ZNG1B: variants seen among roughly 807,000 people sequenced by gnomAD.
ZNG1B encodes the protein Zn regulated GTPase metalloprotein activator 1B.
At chr2:113,490,451 G>T in the ZNG1B span, among the ~76,000 whole-genome samples, 1 of 151,674 alleles carries the variant, frequency 6.6e-6, no homozygotes, top group East Asian at 1.9e-4. Context: ...AGAGAAACAA[G>T]AACAAACCCA....
the ZNG1B span, chr2:113,445,149 T>G: frequency 6.6e-7 from 1 of 1,517,114 alleles, no homozygotes; most frequent in Non-Finnish European, 8.9e-7. Context: ...GATTAAAGCT[T>G]TTGTTAGTAT....
the ZNG1B span, among the ~76,000 whole-genome samples, chr2:113,463,091 G>A: frequency 6.6e-6 from 1 of 151,356 alleles, no homozygotes; most frequent in Non-Finnish European, 1.5e-5. Flanking sequence ...AGCCAAGGCT[G>A]ATCAGCATAG....
chr2:113,490,065 T>TG, the ZNG1B span, among the ~76,000 whole-genome samples: 1 of 149,388 alleles, frequency 6.7e-6, no homozygotes, highest in Non-Finnish European at 1.5e-5. Flanking sequence ...ATATACGTTC[T>TG]GTTCAACAGC....
At chr2:113,492,465 T>A in the ZNG1B span, among the ~76,000 whole-genome samples, 1 of 86,210 alleles carries the variant, frequency 1.2e-5, no homozygotes, top group South Asian at 4.5e-4. Context: ...GGCATAAGAA[T>A]GACACAATGA....
At chr2:113,437,738 T>C in the ZNG1B span, 18 of 1,520,966 alleles carry the variant, frequency 1.2e-5, no homozygotes, top group Admixed American at 1.9e-5. Context: ...CCGGGCGGGA[T>C]CAGCGAGCGT....
the ZNG1B span, among the ~76,000 whole-genome samples, chr2:113,439,857 A>G: frequency 9.2e-6 from 1 of 108,754 alleles, no homozygotes; most frequent in Admixed American, 9.3e-5. Context: ...ATTCCCCTCC[A>G]TTCCCCCCTT....
chr2:113,470,945 T>C, the ZNG1B span: 25 of 1,540,256 alleles, frequency 1.6e-5, no homozygotes, highest in East Asian at 1.1e-4. Flanking sequence ...ATGTATAAAA[T>C]TTTTTAAGAG....
chr2:113,462,393 T>G, the ZNG1B span: 1 of 1,594,816 alleles, frequency 6.3e-7, no homozygotes, highest in Non-Finnish European at 8.5e-7. Flanking sequence ...AACATTTCTC[T>G]GTTTGCTATT....
the ZNG1B span, among the ~76,000 whole-genome samples, chr2:113,484,664 T>G: frequency 6.6e-6 from 1 of 151,330 alleles, no homozygotes; most frequent in African/African-American, 2.4e-5. Context: ...GTTTTTTTGG[T>G]TTTTTTTGAG....
At chr2:113,473,859 CT>C in the ZNG1B span, among the ~76,000 whole-genome samples, 4 of 141,590 alleles carry the variant, frequency 2.8e-5, no homozygotes, top group Admixed American at 2.2e-4. Flanking sequence ...GGTGGATAAG[CT>C]TTTTGATGTG....
chr2:113,453,185 T>C, the ZNG1B span: 1 of 1,593,930 alleles, frequency 6.3e-7, no homozygotes, highest in South Asian at 1.2e-5. Context: ...TAGGGAGTGA[T>C]ATTTACCTTG....
chr2:113,478,013 T>A, the ZNG1B span, among the ~76,000 whole-genome samples: 1 of 152,224 alleles, frequency 6.6e-6, no homozygotes, highest in Non-Finnish European at 1.5e-5. Context: ...TAAGTCTGAA[T>A]AATATTCCAT....
the ZNG1B span, among the ~76,000 whole-genome samples, chr2:113,458,367 T>C: frequency 1.3e-5 from 2 of 152,018 alleles, no homozygotes; most frequent in African/African-American, 4.8e-5. Flanking sequence ...TTTTTAAATG[T>C]TTGTATGGCT....
At chr2:113,459,164 T>C in the ZNG1B span, among the ~76,000 whole-genome samples, 1 of 152,060 alleles carries the variant, frequency 6.6e-6, no homozygotes, top group East Asian at 1.9e-4. Context: ...TCAAGTTCTG[T>C]GACTTCCATA....
chr2:113,479,473 G>T, the ZNG1B span, among the ~76,000 whole-genome samples: 1 of 151,162 alleles, frequency 6.6e-6, no homozygotes, highest in Admixed American at 6.6e-5. Flanking sequence ...TCTTAGTTCT[G>T]GCTTTACTAG....
chr2:113,478,861 G>A, the ZNG1B span, among the ~76,000 whole-genome samples: 1 of 151,212 alleles, frequency 6.6e-6, no homozygotes, highest in Non-Finnish European at 1.5e-5. Flanking sequence ...GTGTGGGACA[G>A]GCAGGGCAGT....
chr2:113,441,302 C>A, the ZNG1B span: 3 of 1,136,916 alleles, frequency 2.6e-6, no homozygotes, highest in Non-Finnish European at 3.7e-6. Context: ...TTTTTTGTAT[C>A]TTTAAAATTA....
the ZNG1B span, among the ~76,000 whole-genome samples, chr2:113,476,050 G>C: frequency 6.6e-6 from 1 of 151,918 alleles, no homozygotes; most frequent in Non-Finnish European, 1.5e-5. Context: ...TTGCTAGATT[G>C]GGGAAGTTCT....
chr2:113,471,180 T>G, the ZNG1B span: 1 of 1,342,170 alleles, frequency 7.5e-7, no homozygotes, highest in Non-Finnish European at 1.0e-6. Flanking sequence ...CATCCATGAT[T>G]TAAGCTTCCT....
Sources: allele counts gnomAD v4.1 joint callset (sites outside exome capture counted in the v4.1 genomes callset), GRCh38; gene constraint gnomAD v4.1.1; transcripts MANE v1.5; gene names NCBI Gene and HGNC (gene_info 2026-07-23, HGNC 2026-07-21).